Variants in IP6K3 observed in about 807,000 individuals in gnomAD.
IP6K3 encodes the protein inositol hexakisphosphate kinase 3, also known as ATP:1D-myo-inositol-hexakisphosphate phosphotransferase.
IP6K3 carries 20 observed loss-of-function variants against 28.8 expected under a neutral mutation model. The ratio of observed to expected loss-of-function variants is 0.70; its 90% confidence interval spans 0.49 to 1.01. The LOEUF (loss-of-function observed/expected upper bound fraction) is 1.01. Among genes scored for constraint, IP6K3 ranks in the 50% least tolerant of loss-of-function variants. The pLI is 0.00. For synonymous variants in IP6K3, 213 were observed against 221.3 expected, an observed-to-expected ratio of 0.96 and a Z score of 0.33; for missense variants, 480 against 537.1, an observed-to-expected ratio of 0.89 and a Z score of 1.05.
In IP6K3 at chr6:33,739,452, C is replaced by T. The variant is rs568694431; in HGVS notation, c.-179-3797G>A. On this transcript the variant is annotated intron_variant, in intron 1 of 5. Coordinates refer to ENST00000293756, the MANE Select transcript of IP6K3 (RefSeq NM_054111.5). ...GGAGGGAGGAGCAGTGGCTTCTGCC[C>T]CTGGAGCTTCAGCTGGGGCTGGGCA... Among the ~76,000 whole-genome samples the T allele has an allele frequency of 7.2e-5, 11 of 152,172 alleles. No homozygotes were observed. The South Asian group carries it at 1.9e-3, about 26-fold the overall frequency.
At chr6:33,755,044 G>A in the IP6K3 span, among the ~76,000 whole-genome samples, 59 of 152,336 alleles carry the variant, frequency 3.9e-4, no homozygotes, top group East Asian at 8.3e-3. Flanking sequence ...GGAAGCTGCC[G>A]CAGCCATCAG....
rs1044714661 is a variant in IP6K3 at position 33,742,875 on chromosome 6, G to A, written c.-180+3883C>T. Among the ~76,000 whole-genome samples, 4 of 152,160 alleles carry A rather than the reference G, an allele frequency of 2.6e-5. No individual in the cohort carries two copies. Among genetic ancestry groups the A allele is most frequent in the African/African-American group, 7.2e-5 (3 of 41,420 alleles). On this transcript the variant is annotated intron_variant, in intron 1 of 5. Transcript: ENST00000293756. This position sits in a 1 kb window ranked among gnomAD's most constrained non-coding sequence, Gnocchi z 4.5. The stretch of plus-strand genomic sequence containing the variant: ...TTGAGGGGTCTGGGAAGGAGTCCAG[G>A]AGGAGGGGAGATGTTGGCTCAGCCT...
intron 1 of IP6K3, among the ~76,000 whole-genome samples, chr6:33,739,863 G>C (rs1439242525): frequency 2.0e-5 from 3 of 152,238 alleles, no homozygotes; most frequent in South Asian, 4.1e-4. Flanking sequence ...AGATGAACTG[G>C]GGAAGTGCTC....
chr6:33,740,743 A>G (rs1280699208), intron 1 of IP6K3, among the ~76,000 whole-genome samples: 1 of 152,268 alleles, frequency 6.6e-6, no homozygotes, highest in Non-Finnish European at 1.5e-5. Flanking sequence ...TTTGTATCTT[A>G]TAACCGCTTT....
the IP6K3 span, among the ~76,000 whole-genome samples, chr6:33,757,447 TA>T: frequency 2.0e-5 from 3 of 152,168 alleles, no homozygotes; most frequent in African/African-American, 7.2e-5. Context: ...GATGCTGAGT[TA>T]ATAAAAACTG....
intron 1 of IP6K3, among the ~76,000 whole-genome samples, chr6:33,741,468 C>A (rs1399665684): frequency 6.6e-6 from 1 of 151,710 alleles, no homozygotes; most frequent in Non-Finnish European, 1.5e-5. Context: ...CATGGTGAAA[C>A]CCCCTCTCTA....
intron 1 of IP6K3, among the ~76,000 whole-genome samples, chr6:33,739,722 G>A (rs1425137265): frequency 6.6e-6 from 1 of 152,262 alleles, no homozygotes; most frequent in African/African-American, 2.4e-5. Flanking sequence ...GCCACATGCA[G>A]GCACTTCTGC....
At chr6:33,730,398 C>T (rs149914908) in intron 2 of IP6K3, among the ~76,000 whole-genome samples, 73 of 152,338 alleles carry the variant, frequency 4.8e-4, no homozygotes, top group South Asian at 1.2e-3. Flanking sequence ...ACATTCAGTT[C>T]TCTCCATCTC....
At chr6:33,733,628 A>G (rs1478001119) in intron 2 of IP6K3, among the ~76,000 whole-genome samples, 1 of 152,240 alleles carries the variant, frequency 6.6e-6, no homozygotes, top group Non-Finnish European at 1.5e-5. Context: ...CATTAATTCC[A>G]GTGGGTGCTC....
chr6:33,731,599 CTT>C lies in IP6K3; in HGVS notation c.200-3301_200-3300del, dbSNP rs562618174. The stretch of plus-strand genomic sequence containing the variant: ...TGACGGGCTGTGTCTGTCTCCAGCT[CTT>C]GTCTGTCTTTCCCTGTCACACCCTC... On this transcript the variant is annotated intron_variant, in intron 2 of 5. Transcript: ENST00000293756. Among the ~76,000 whole-genome samples the C allele has an allele frequency of 1.2e-3, 183 of 152,318 alleles. 1 individual carries two copies. The highest frequency in any genetic ancestry group is 4.2e-3 in the African/African-American group (176 of 41,566).
chr6:33,735,742 G>A (rs547041348), intron 1 of IP6K3, 87 bp from the exon 2 acceptor site: 156 of 636,808 alleles, frequency 2.4e-4, no homozygotes, highest in Non-Finnish European at 3.8e-4. Context: ...ACACAGCCTC[G>A]ACCCCAGAAC....
intron 3 of IP6K3, 123 bp downstream of exon 3, chr6:33,727,964 C>A (rs1466180887): frequency 3.4e-6 from 5 of 1,458,834 alleles, no homozygotes; most frequent in Non-Finnish European, 3.6e-6. Flanking sequence ...ACAGAGCATT[C>A]ATCTGAATTT....
Position 33,742,373 on chromosome 6 carries a change from C to G in IP6K3, c.-180+4385G>C, listed in dbSNP as rs1187829797. 6.6e-6 allele frequency among the ~76,000 whole-genome samples: 1 copy of G among 152,198 alleles called. No individual in the cohort carries two copies. The highest frequency in any genetic ancestry group is 1.5e-5 in the Non-Finnish European group (1 of 68,032). ...GGGCCAGGGTGCTGTCTGGGGCCCT[C>G]TTTATGCTGTTTGCCTCAGTAACCT... On this transcript the variant is annotated intron_variant, in intron 1 of 5. Coordinates refer to ENST00000293756, the MANE Select transcript of IP6K3 (RefSeq NM_054111.5). The surrounding 1 kb of genome is among the most constrained non-coding windows in gnomAD (Gnocchi z 4.5).
At chr6:33,729,061 A>C (rs1440246550) in intron 2 of IP6K3, among the ~76,000 whole-genome samples, 1 of 152,220 alleles carries the variant, frequency 6.6e-6, no homozygotes. Flanking sequence ...ACAAAAAAAC[A>C]CTGGTTGTGA....
intron 5 of IP6K3, 43 bp from the exon 6 acceptor site, chr6:33,723,230 T>G: frequency 7.5e-7 from 1 of 1,338,198 alleles, no homozygotes. Context: ...ATTGGAAACT[T>G]AAACAAATTG....
At chr6:33,730,344 G>A (rs1253182783) in intron 2 of IP6K3, among the ~76,000 whole-genome samples, 1 of 152,192 alleles carries the variant, frequency 6.6e-6, no homozygotes, top group African/African-American at 2.4e-5. Flanking sequence ...GGCCAGTCCT[G>A]TCATCTCAGA....
chr6:33,760,353 G>C, the IP6K3 span, among the ~76,000 whole-genome samples: 1 of 152,222 alleles, frequency 6.6e-6, no homozygotes, highest in South Asian at 2.1e-4. Context: ...TGAAGGGTGA[G>C]GGTGCAGGTT....
the IP6K3 span, among the ~76,000 whole-genome samples, chr6:33,757,065 C>T: frequency 6.6e-6 from 1 of 152,250 alleles, no homozygotes; most frequent in African/African-American, 2.4e-5. Flanking sequence ...TCACCTCTCA[C>T]GTGGAGGACA....
In IP6K3 at chr6:33,722,705, T is replaced by C. The variant is rs748163623; in HGVS notation, c.*15A>G. The stretch of plus-strand genomic sequence containing the variant: ...GATCTATAGCCCAGAAGAATCCAGA[T>C]AAGCCCAGGAAGTTTCATTCTCCCT... On this transcript the variant is annotated 3_prime_UTR_variant, in exon 6 of 6. Coordinates refer to ENST00000293756, the MANE Select transcript of IP6K3 (RefSeq NM_054111.5). 1.9e-6 allele frequency: 3 copies of C among 1,557,196 alleles called. No homozygotes were observed. The Admixed American group carries it at 5.3e-5, about 27-fold the overall frequency.
Sources: allele counts gnomAD v4.1 joint callset (sites outside exome capture counted in the v4.1 genomes callset), GRCh38; gene constraint gnomAD v4.1.1; non-coding constraint Gnocchi (gnomAD v3.1); transcripts MANE v1.5; gene names NCBI Gene and HGNC (gene_info 2026-07-23, HGNC 2026-07-21).